The following GALNT16 variants were observed in gnomAD, a reference collection of about 807,000 sequenced individuals.
GALNT16 encodes UDP-GalNAc:polypeptide N-acetylgalactosaminyltransferase-like protein 1.
Under a neutral mutation model 76.1 loss-of-function variants are expected in GALNT16, and 40 were observed. That is an observed-to-expected ratio of 0.53 (90% confidence interval 0.41 to 0.68). The LOEUF is 0.68. Ranked by LOEUF, GALNT16 falls within the 30% of genes least tolerant of loss-of-function variation. GALNT16 has a pLI of 0.00. For missense variants in GALNT16, 621 were observed against 731.9 expected (o/e 0.85, Z 1.75); for synonymous variants, 276 against 285.2 (o/e 0.97, Z 0.32).
the GALNT16 span, among the ~76,000 whole-genome samples, chr14:69,375,494 A>C: frequency 6.6e-6 from 1 of 152,228 alleles, no homozygotes; most frequent in Non-Finnish European, 1.5e-5. Flanking sequence ...GTAAAACAAA[A>C]GCCTCCACAA....
chr14:69,359,543 A>G (rs1042054345), downstream of GALNT16, among the ~76,000 whole-genome samples: 4 of 152,092 alleles, frequency 2.6e-5, no homozygotes, highest in African/African-American at 9.7e-5. Flanking sequence ...GGTACCCAGA[A>G]TCTTAGTAAG....
chr14:69,271,817 T>C (rs1465768175), intron 1 of GALNT16, among the ~76,000 whole-genome samples: 1 of 152,236 alleles, frequency 6.6e-6, no homozygotes, highest in Non-Finnish European at 1.5e-5. Flanking sequence ...AGTATCTGAA[T>C]TGAAATCTGC....
chr14:69,376,393 A>T, the GALNT16 span, among the ~76,000 whole-genome samples: 1,140 of 152,194 alleles, frequency 7.5e-3, 11 homozygotes, highest in African/African-American at 0.026. Flanking sequence ...CTGACTCCCC[A>T]TTCTATGCCC....
intron 1 of GALNT16, among the ~76,000 whole-genome samples, chr14:69,262,333 C>G (rs561202903): frequency 1.3e-5 from 2 of 152,322 alleles, no homozygotes; most frequent in African/African-American, 4.8e-5. Context: ...TTCCAGAGTC[C>G]TGTAAGATGC....
At chr14:69,360,295 G>T (rs2045716290), downstream of GALNT16, among the ~76,000 whole-genome samples, 1 of 151,872 alleles carries the variant, frequency 6.6e-6, no homozygotes, top group Non-Finnish European at 1.5e-5. Flanking sequence ...TGAGGCTGCA[G>T]TGAGTTATGA....
chr14:69,301,133 G>A (rs547559967), intron 1 of GALNT16, among the ~76,000 whole-genome samples: 54 of 152,270 alleles, frequency 3.5e-4, no homozygotes, highest in Non-Finnish European at 6.3e-4. Context: ...GCTTGGGATT[G>A]CACCAGGGAT....
intron 14 of GALNT16, chr14:69,349,933 G>A (rs2045612107): frequency 6.6e-6 from 1 of 152,236 alleles, no homozygotes; most frequent in Admixed American, 6.5e-5. Flanking sequence ...CAAAATGACG[G>A]CTGGGTGCAG....
chr14:69,360,439 C>A (rs2045717308), downstream of GALNT16, among the ~76,000 whole-genome samples: 1 of 151,570 alleles, frequency 6.6e-6, no homozygotes, highest in African/African-American at 2.4e-5. Context: ...ACCAGCCTGG[C>A]CAACATGGTG....
intron 1 of GALNT16, among the ~76,000 whole-genome samples, chr14:69,304,799 A>T (rs1213050045): frequency 1.3e-5 from 2 of 152,118 alleles, no homozygotes; most frequent in Non-Finnish European, 2.9e-5. Context: ...AAATGGCAGG[A>T]TTTCCTTCTT....
chr14:69,337,286 G>A (rs1027031974), intron 9 of GALNT16, among the ~76,000 whole-genome samples: 2 of 152,028 alleles, frequency 1.3e-5, no homozygotes, highest in Admixed American at 6.6e-5. Flanking sequence ...GAGCTTCAAC[G>A]TCCTCGTTAA....
chr14:69,327,494 G>T (rs2045300842), intron 5 of GALNT16, among the ~76,000 whole-genome samples: 1 of 152,246 alleles, frequency 6.6e-6, no homozygotes, highest in African/African-American at 2.4e-5. Context: ...GTACCGTCAG[G>T]TCTGGGAATA....
intron 1 of GALNT16, among the ~76,000 whole-genome samples, chr14:69,318,098 G>A (rs982996779): frequency 6.6e-6 from 1 of 152,180 alleles, no homozygotes; most frequent in African/African-American, 2.4e-5. Flanking sequence ...GAACAGCAGG[G>A]TCATCCTGAA....
chr14:69,341,181 C>T (rs1348875563), intron 11 of GALNT16, among the ~76,000 whole-genome samples: 3 of 152,108 alleles, frequency 2.0e-5, no homozygotes, highest in Admixed American at 6.5e-5. Context: ...TAGCTGGTGA[C>T]GAGGGCCGTC....
chr14:69,350,045 C>G (rs1303491773), intron 14 of GALNT16: 1 of 152,178 alleles, frequency 6.6e-6, no homozygotes, highest in Non-Finnish European at 1.5e-5. Context: ...AACCCCGTCT[C>G]TACTAAAAAC....
At chr14:69,300,282 G>A (rs113865398) in intron 1 of GALNT16, among the ~76,000 whole-genome samples, 1 of 152,262 alleles carries the variant, frequency 6.6e-6, no homozygotes, top group African/African-American at 2.4e-5. Context: ...CAAAGCTTGT[G>A]CCTGTGTATA....
Position 69,331,530 on chromosome 14 carries a change from G to A in GALNT16, c.757G>A (p.Ala253Thr), listed in dbSNP as rs779466606. The A allele has an allele frequency of 1.2e-6, 2 of 1,604,796 alleles. No homozygotes were observed. The highest frequency in any genetic ancestry group is 8.5e-7 in the Non-Finnish European group (1 of 1,171,456). ...TCTGGATAATTTTGCCTACCTTGCA[G>A]CATCTGCTGACCTTCGTGGAGGTGA... is the stretch of plus-strand genomic sequence containing the variant. ...ISLDNFAYLA[A>T]SADLRGGFDW... The change falls in exon 7 of 15, where the codon GCA (alanine) becomes ACA (threonine). Residue 253 changes from alanine (A) to threonine (T), a missense_variant. Transcript: ENST00000448469.
At chr14:69,260,147 C>G, upstream of GALNT16, 2 of 157,676 alleles carry the variant, frequency 1.3e-5, no homozygotes, top group South Asian at 3.9e-4. Flanking sequence ...CCCCCCCGCC[C>G]CCCCACCTCT....
In GALNT16 at chr14:69,320,496, GA is replaced by G. The variant is rs140474492; in HGVS notation, c.178-205del. Among the ~76,000 whole-genome samples, 7 of 134,958 alleles carry G rather than the reference GA, an allele frequency of 5.2e-5. No homozygotes were observed. The South Asian group carries it at 1.2e-3, about 22-fold the overall frequency. The allele number at this position is 134,958 out of a possible 152,430, so 88.5% of individuals were successfully genotyped here. A position where few individuals can be genotyped will look rare whatever the true frequency, so the allele number is the denominator to read the frequency against. ...GAATAAGACCCTGTGTCAAAAAAAA[GA>G]AAAAAAAAAGAAAAAAAGAAAAAAA... is the stretch of plus-strand genomic sequence containing the variant. On this transcript the variant is annotated intron_variant, in intron 1 of 14. Coordinates refer to ENST00000448469, the MANE Select transcript of GALNT16 (RefSeq NM_001168368.2).
the GALNT16 span, among the ~76,000 whole-genome samples, chr14:69,377,956 C>T: frequency 1.3e-5 from 2 of 152,062 alleles, no homozygotes; most frequent in African/African-American, 4.8e-5. Context: ...GGAAGACCAT[C>T]CTGATGTAAA....
Sources: allele counts gnomAD v4.1 joint callset (sites outside exome capture counted in the v4.1 genomes callset), GRCh38; gene constraint gnomAD v4.1.1; transcripts MANE v1.5; gene names NCBI Gene and HGNC (gene_info 2026-07-23, HGNC 2026-07-21).